BRINP2: variants seen among roughly 807,000 people sequenced by gnomAD.
The protein encoded by BRINP2 is BMP/retinoic acid inducible neural specific 2, also known as BMP/retinoic acid-inducible neural-specific protein 2.
In BRINP2, 21 loss-of-function variants were observed where a neutral mutation model predicts 69.2. The ratio of observed to expected loss-of-function variants is 0.30; its 90% CI spans 0.22 to 0.44. BRINP2 has a LOEUF of 0.44. BRINP2 is among the 20% of genes least tolerant of loss of function. BRINP2 has a pLI of 1.00. For synonymous variants in BRINP2, 380 were observed against 394.1 expected, an observed-to-expected ratio of 0.96 and a Z score of 0.42; for missense variants, 877 against 986.0, an observed-to-expected ratio of 0.89 and a Z score of 1.48.
intron 1 of BRINP2, among the ~76,000 whole-genome samples, chr1:177,180,656 G>A (rs1648218586): frequency 1.3e-5 from 2 of 152,118 alleles, no homozygotes; most frequent in South Asian, 4.1e-4. Context: ...TCTCGTTGGA[G>A]CAGGCCTAGG....
At chr1:177,261,915 C>G (rs1000006275) in intron 4 of BRINP2, among the ~76,000 whole-genome samples, 4 of 152,146 alleles carry the variant, frequency 2.6e-5, no homozygotes, top group African/African-American at 9.7e-5. Flanking sequence ...AAAGAAGTAA[C>G]TGGCAACTGT....
At chr1:177,218,683 GC>G (rs1571905197) in intron 1 of BRINP2, among the ~76,000 whole-genome samples, 1 of 152,094 alleles carries the variant, frequency 6.6e-6, no homozygotes, top group Non-Finnish European at 1.5e-5. Flanking sequence ...GAAACCATGG[GC>G]CCTAGGGAAT....
chr1:177,233,578 A>G (rs1649928352), intron 2 of BRINP2, among the ~76,000 whole-genome samples: 1 of 152,198 alleles, frequency 6.6e-6, no homozygotes, highest in Admixed American at 6.5e-5. Context: ...CCTATATTAG[A>G]AGGGGGAACA....
chr1:177,263,144 A>G (rs1282824763), intron 4 of BRINP2, among the ~76,000 whole-genome samples: 1 of 152,206 alleles, frequency 6.6e-6, no homozygotes, highest in African/African-American at 2.4e-5. Flanking sequence ...AGAAAGTGAA[A>G]AGTTGGTCAG....
chr1:177,207,589 C>T (rs1181601592), intron 1 of BRINP2, among the ~76,000 whole-genome samples: 1 of 152,080 alleles, frequency 6.6e-6, no homozygotes, highest in African/African-American at 2.4e-5. Context: ...TACCATTAGT[C>T]GCATATGTAA....
chr1:177,175,979 G>A (rs1648076532), intron 1 of BRINP2, among the ~76,000 whole-genome samples: 1 of 152,166 alleles, frequency 6.6e-6, no homozygotes, highest in Non-Finnish European at 1.5e-5. Flanking sequence ...ACAGACAGCC[G>A]AGTTATGCTT....
intron 2 of BRINP2, among the ~76,000 whole-genome samples, chr1:177,241,173 G>T (rs1036031355): frequency 6.6e-6 from 1 of 152,034 alleles, no homozygotes; most frequent in East Asian, 1.9e-4. Flanking sequence ...GGGTTTCACC[G>T]TGTTAGCCAG....
chr1:177,217,495 T>C (rs999518471), intron 1 of BRINP2, among the ~76,000 whole-genome samples: 1 of 152,242 alleles, frequency 6.6e-6, no homozygotes, highest in African/African-American at 2.4e-5. Flanking sequence ...TGTCCTTTTA[T>C]CGATATCTTT....
chr1:177,240,549 G>A (rs1168533399), intron 2 of BRINP2, among the ~76,000 whole-genome samples: 1 of 152,154 alleles, frequency 6.6e-6, no homozygotes, highest in African/African-American at 2.4e-5. Context: ...GAGGAAAAGA[G>A]GCTGTGAGAG....
At chr1:177,202,598 T>C (rs1208179485) in intron 1 of BRINP2, among the ~76,000 whole-genome samples, 1 of 152,236 alleles carries the variant, frequency 6.6e-6, no homozygotes, top group Non-Finnish European at 1.5e-5. Flanking sequence ...CTTTTACATT[T>C]GCTGAAGAGT....
intron 4 of BRINP2, 41 bp from the exon 5 acceptor site, chr1:177,273,447 A>G: frequency 7.2e-7 from 1 of 1,384,630 alleles, no homozygotes; most frequent in Non-Finnish European, 1.0e-6. Context: ...GGGAGTCTCC[A>G]CTTGTTATCT....
intron 1 of BRINP2, among the ~76,000 whole-genome samples, chr1:177,208,302 T>C (rs1307065228): frequency 6.6e-6 from 1 of 152,174 alleles, no homozygotes; most frequent in Non-Finnish European, 1.5e-5. Context: ...TTAAAGATGT[T>C]TGTGGAAAGA....
intron 2 of BRINP2, among the ~76,000 whole-genome samples, chr1:177,248,973 G>T (rs562615249): frequency 6.6e-6 from 1 of 152,062 alleles, no homozygotes; most frequent in Non-Finnish European, 1.5e-5. Context: ...CTCTCTTATT[G>T]CAGGGCCCCT....
At chr1:177,210,377 C>T (rs1649188403) in intron 1 of BRINP2, among the ~76,000 whole-genome samples, 1 of 152,072 alleles carries the variant, frequency 6.6e-6, no homozygotes, top group Non-Finnish European at 1.5e-5. Context: ...TGTCTAGAAC[C>T]ATGCTTCACT....
intron 4 of BRINP2, among the ~76,000 whole-genome samples, chr1:177,271,465 A>G (rs1651324795): frequency 1.3e-5 from 2 of 152,194 alleles, no homozygotes; most frequent in African/African-American, 4.8e-5. Flanking sequence ...TCAGGAGACA[A>G]AAAGGTATTG....
At chr1:177,237,115 G>T (rs1298360562) in intron 2 of BRINP2, among the ~76,000 whole-genome samples, 1 of 152,142 alleles carries the variant, frequency 6.6e-6, no homozygotes, top group East Asian at 1.9e-4. Flanking sequence ...GGTCCTGTTA[G>T]ACTACTGGTT....
At chr1:177,227,005 C>T (rs776782797) in intron 1 of BRINP2, among the ~76,000 whole-genome samples, 1 of 152,210 alleles carries the variant, frequency 6.6e-6, no homozygotes, top group Non-Finnish European at 1.5e-5. Flanking sequence ...AACCTTTGTC[C>T]TCACTGCCAC....
intron 1 of BRINP2, among the ~76,000 whole-genome samples, chr1:177,224,602 T>A (rs958135228): frequency 1.1e-4 from 16 of 151,962 alleles, no homozygotes; most frequent in African/African-American, 3.9e-4. Context: ...TTTTTTTTTT[T>A]AATAGCTGTA....
chr1:177,249,489 A>G (rs895984853), intron 2 of BRINP2, among the ~76,000 whole-genome samples: 6 of 152,186 alleles, frequency 3.9e-5, no homozygotes, highest in African/African-American at 1.4e-4. Context: ...TAGGGACTAT[A>G]GGGCTGTTAG....
Sources: gnomAD v4.1 joint callset for allele counts (sites outside exome capture counted in the v4.1 genomes callset) on GRCh38, gnomAD v4.1.1 for gene constraint, MANE v1.5 for transcripts, NCBI Gene and HGNC (gene_info 2026-07-23, HGNC 2026-07-21) for gene names.